The following ADAMTS17 variants were observed in gnomAD, a reference collection of about 807,000 sequenced individuals.
The protein encoded by ADAMTS17 is ADAM metallopeptidase with thrombospondin type 1 motif 17.
In ADAMTS17, 113 loss-of-function variants were observed where a neutral mutation model predicts 141.5. That is an observed-to-expected ratio of 0.80 (90% CI 0.69 to 0.93). The LOEUF (loss-of-function observed/expected upper bound fraction) is 0.93, where lower values mean the gene tolerates loss of function less well. Among genes scored for constraint, ADAMTS17 ranks in the 40% least tolerant of loss-of-function variants. The pLI is 0.00. For synonymous variants in ADAMTS17, 768 were observed against 630.6 expected, an observed-to-expected ratio of 1.22 and a Z score of -3.27; for missense variants, 1,659 against 1,517.9, an observed-to-expected ratio of 1.09 and a Z score of -1.54.
chr15:100,215,912 G>C (rs1295692186), intron 7 of ADAMTS17, among the ~76,000 whole-genome samples: 1 of 152,032 alleles, frequency 6.6e-6, no homozygotes, highest in Non-Finnish European at 1.5e-5. Context: ...AACCAAGACT[G>C]TGCTTACAAG....
At chr15:100,132,756 T>C (rs2038116852) in intron 11 of ADAMTS17, among the ~76,000 whole-genome samples, 1 of 152,226 alleles carries the variant, frequency 6.6e-6, no homozygotes, top group Non-Finnish European at 1.5e-5. Flanking sequence ...AGAGAGGTCC[T>C]GGGGCTGCAG....
Position 100,332,061 on chromosome 15 carries a change from T to C in ADAMTS17, c.451-1007A>G, listed in dbSNP as rs2046069763. ...GATCAACTAATAAGATCGCCTACAA[T>C]CTTGCGTCCCCAAGATACAGGGTGA... On this transcript the variant is annotated intron_variant, in intron 2 of 21. Transcript: ENST00000268070. Among the ~76,000 whole-genome samples the C allele has an allele frequency of 3.3e-5, 5 of 152,288 alleles. No homozygotes were observed. In the South Asian group the frequency reaches 1.0e-3, roughly 32 times the overall value.
At position 99,973,263 on chromosome 15, in the gene ADAMTS17, G is replaced by A. The variant is rs1213975269; in HGVS notation, c.*1139C>T. 6.6e-6 allele frequency: 1 copy of A among 152,256 alleles called. No individual in the cohort carries two copies. Among genetic ancestry groups the A allele is most frequent in the Non-Finnish European group, 1.5e-5 (1 of 68,110 alleles). The allele number at this position is 152,256 out of a possible 1,614,324, so 9.4% of individuals were successfully genotyped here. A position where few individuals can be genotyped will look rare whatever the true frequency, so the allele number is the denominator to read the frequency against. ...GGGTACCACAAAGTCTGGGGCTACA[G>A]GAAGGCTCGGCGGGTGTGCAGCAGT... is the stretch of plus-strand genomic sequence containing the variant. On this transcript the variant is annotated 3_prime_UTR_variant, in exon 22 of 22. Transcript: ENST00000268070.
intron 8 of ADAMTS17, among the ~76,000 whole-genome samples, chr15:100,185,319 A>G (rs776630548): frequency 6.6e-6 from 1 of 152,080 alleles, no homozygotes; most frequent in Non-Finnish European, 1.5e-5. Flanking sequence ...GAAACCTGTG[A>G]GATCTACCAC....
chr15:100,321,103 G>C (rs2045720480), intron 3 of ADAMTS17, among the ~76,000 whole-genome samples: 1 of 147,332 alleles, frequency 6.8e-6, no homozygotes, highest in African/African-American at 2.5e-5. Flanking sequence ...GTAAAATCAA[G>C]ATAAAGCATT....
rs2060319574 is a variant in ADAMTS17, at chr15:99,976,099, G to A, written c.3073C>T (p.Gln1025Ter). 1.3e-6 allele frequency: 2 copies of A among 1,551,672 alleles called. No homozygotes were observed. The highest frequency in any genetic ancestry group is 2.4e-5 in the South Asian group (2 of 84,042). Residue 1025 changes from glutamine (Q) to a stop codon, truncating the protein, a stop_gained, in exon 21 of 22, where the codon CAG becomes TAG. Transcript: ENST00000268070. LOFTEE classifies it high-confidence loss of function. Reference sequence around the variant, plus strand: ...TTGATCCTGTCGTTGCAGACCTCCTGGTAGCACTGTCTGTAGGGGGCAGGC... The same window carrying A: ...TTGATCCTGTCGTTGCAGACCTCCTAGTAGCACTGTCTGTAGGGGGCAGGC... ...SKPAPYRQCYQEVCNDRINAN... is the reference protein window; with the variant it reads ...SKPAPYRQCY
chr15:100,071,672 A>C (rs1430989253), intron 15 of ADAMTS17, among the ~76,000 whole-genome samples: 1 of 150,486 alleles, frequency 6.6e-6, no homozygotes. Context: ...TGATTATCTC[A>C]ATAGATGCAG....
chr15:100,170,517 G>C (rs751046888), intron 8 of ADAMTS17, among the ~76,000 whole-genome samples: 1 of 152,182 alleles, frequency 6.6e-6, no homozygotes, highest in Non-Finnish European at 1.5e-5. Context: ...AACTTGAAAA[G>C]ATACATCAAA....
At chr15:100,166,136 G>A (rs996944946) in intron 8 of ADAMTS17, among the ~76,000 whole-genome samples, 14 of 152,018 alleles carry the variant, frequency 9.2e-5, no homozygotes, top group South Asian at 2.1e-4. Context: ...GCATCATGAC[G>A]GTCTTACATT....
intron 8 of ADAMTS17, among the ~76,000 whole-genome samples, chr15:100,170,405 C>A (rs2040115550): frequency 6.6e-6 from 1 of 152,112 alleles, no homozygotes; most frequent in African/African-American, 2.4e-5. Flanking sequence ...TCACAGCCAG[C>A]CGCGGAAAGT....
rs2060269316 is a variant in ADAMTS17, at chr15:99,974,135, T to TCC, written c.*265_*266dup. ...TTGACGGTTGTCTGCCAGAGGTGCTTCCCTTCGAGGTACCTGAAATCCTAG... is the reference window on the plus strand; with the variant it reads ...TTGACGGTTGTCTGCCAGAGGTGCTTCCCCCTTCGAGGTACCTGAAATCCTAG... On this transcript the variant is annotated 3_prime_UTR_variant, in exon 22 of 22. Coordinates refer to ENST00000268070, the MANE Select transcript of ADAMTS17 (RefSeq NM_139057.4). 1.9e-6 allele frequency: 1 copy of TCC among 529,942 alleles called. No homozygotes were observed. The highest frequency in any genetic ancestry group is 1.9e-5 in the African/African-American group (1 of 52,216). 32.8% of individuals were successfully genotyped at this position (529,942 alleles called of 1,614,324 possible). A position where few individuals can be genotyped will look rare whatever the true frequency, so the allele number is the denominator to read the frequency against.
intron 8 of ADAMTS17, among the ~76,000 whole-genome samples, chr15:100,190,573 C>T (rs761833012): frequency 2.0e-5 from 3 of 152,116 alleles, no homozygotes; most frequent in Non-Finnish European, 4.4e-5. Context: ...AATGGTTGAC[C>T]GGAGCAAGGG....
At chr15:100,085,807 G>T (rs2035062070) in intron 15 of ADAMTS17, among the ~76,000 whole-genome samples, 1 of 151,694 alleles carries the variant, frequency 6.6e-6, no homozygotes, top group Admixed American at 6.6e-5. Flanking sequence ...GAGAGATTTT[G>T]TCACCACCAG....
rs532432760 is a variant in ADAMTS17, at chr15:100,119,083, C to A, written c.1722-2070G>T. 2.9e-4 allele frequency among the ~76,000 whole-genome samples: 44 copies of A among 152,160 alleles called. 2 individuals carry two copies. Among genetic ancestry groups the A allele is most frequent in the Admixed American group, 1.9e-3 (29 of 15,286 alleles). On this transcript the variant is annotated intron_variant, in intron 12 of 21. Coordinates refer to ENST00000268070, the MANE Select transcript of ADAMTS17 (RefSeq NM_139057.4). ...ACACAGAGACAGGCAGAGAGACACA[C>A]AAAGAATGCCAAACATTGTCAGCAA... is the stretch of plus-strand genomic sequence containing the variant.
At chr15:100,300,159 G>C (rs2044978341) in intron 3 of ADAMTS17, among the ~76,000 whole-genome samples, 1 of 152,230 alleles carries the variant, frequency 6.6e-6, no homozygotes, top group Middle Eastern at 3.4e-3. Context: ...GCCCAGGGCT[G>C]TTTACAGTCA....
At chr15:99,984,674 A>T (rs2060549727) in intron 20 of ADAMTS17, among the ~76,000 whole-genome samples, 1 of 152,246 alleles carries the variant, frequency 6.6e-6, no homozygotes, top group African/African-American at 2.4e-5. Context: ...ATGGCGGATG[A>T]TGCCCACACA....
At position 100,281,212 on chromosome 15, in the gene ADAMTS17, C is replaced by A; in HGVS notation, c.789+17G>T. The A allele has an allele frequency of 6.2e-7, 1 of 1,601,940 alleles. No homozygotes were observed. Among genetic ancestry groups the A allele is most frequent in the Non-Finnish European group, 8.5e-7 (1 of 1,179,892 alleles). ...AAAACAGAGCCCCCCACATCAGGAC[C>A]CCGGCTCCGGACTCACCATGTTCAT... is the stretch of plus-strand genomic sequence containing the variant. On this transcript the variant is annotated intron_variant, in intron 4 of 21. Transcript: ENST00000268070.
chr15:100,235,961 A>G (rs1245830488), intron 7 of ADAMTS17, among the ~76,000 whole-genome samples: 1 of 152,158 alleles, frequency 6.6e-6, no homozygotes, highest in Non-Finnish European at 1.5e-5. Flanking sequence ...TGCCTCTCTT[A>G]AATACCAACA....
At chr15:100,303,478 T>C (rs2045114330) in intron 3 of ADAMTS17, among the ~76,000 whole-genome samples, 1 of 151,866 alleles carries the variant, frequency 6.6e-6, no homozygotes, top group Non-Finnish European at 1.5e-5. Flanking sequence ...GTCCAATTTA[T>C]CTATATTTTC....
Sources: allele counts gnomAD v4.1 joint callset (sites outside exome capture counted in the v4.1 genomes callset), GRCh38; gene constraint gnomAD v4.1.1; transcripts MANE v1.5; gene names NCBI Gene and HGNC (gene_info 2026-07-23, HGNC 2026-07-21).